Variants in PYCR3 observed in about 807,000 individuals in gnomAD.
PYCR3 encodes P5C reductase 3.
A neutral mutation model predicts 23.4 loss-of-function variants in PYCR3; 26 were observed. That is an observed-to-expected ratio of 1.11 (90% confidence interval 0.81 to 1.54). The LOEUF (loss-of-function observed/expected upper bound fraction) is 1.54. PYCR3 is among the 40% of genes most tolerant of loss of function. PYCR3 has a pLI of 0.00. For missense variants in PYCR3, 360 were observed against 376.3 expected, an observed-to-expected ratio of 0.96 and a Z score of 0.36; for synonymous variants, 194 against 162.6, an observed-to-expected ratio of 1.19 and a Z score of -1.47.
rs1444144802 is a variant in PYCR3, at chr8:143,609,488, C to A, written c.61G>T (p.Gly21Trp). ...VGFVGAGRMAGAIAQGLIRAG... is the reference protein window; with the variant it reads ...VGFVGAGRMAWAIAQGLIRAG... ...CTGATGAGGCCCTGCGCGATGGCCC[C>A]CGCCATGCGGCCCGCGCCCACGAAG... The change falls in exon 1 of 6, where the codon GGG becomes TGG. Residue 21 changes from glycine (G) to tryptophan (W), a missense_variant. Physicochemically the swap from Gly to Trp is radical, Grantham distance 184 (BLOSUM62 -2). Transcript: ENST00000495276. 6.6e-7 allele frequency: 1 copy of A among 1,513,814 alleles called. No homozygotes were observed. Among genetic ancestry groups the A allele is most frequent in the Non-Finnish European group, 8.8e-7 (1 of 1,138,808 alleles). 93.8% of individuals were successfully genotyped at this position (1,513,814 alleles called of 1,614,324 possible). A position where few individuals can be genotyped will look rare whatever the true frequency, so the allele number is the denominator to read the frequency against.
At position 143,605,699 on chromosome 8, in the gene PYCR3, C is replaced by T; in HGVS notation, c.*1G>A. ...GCAGGAAAGGATGGCCAGAGCCCAG[C>T]CTACTTTCTGCTGAGCTCCTTGGCC... is the stretch of plus-strand genomic sequence containing the variant. On this transcript the variant is annotated 3_prime_UTR_variant, in exon 6 of 6. Transcript: ENST00000495276. 1.3e-6 allele frequency: 2 copies of T among 1,590,542 alleles called. No individual in the cohort carries two copies. The highest frequency in any genetic ancestry group is 1.7e-6 in the Non-Finnish European group (2 of 1,163,522).
chr8:143,605,622 G>A lies in PYCR3; in HGVS notation c.*78C>T, dbSNP rs1045837879. On this transcript the variant is annotated 3_prime_UTR_variant, in exon 6 of 6. Coordinates refer to ENST00000495276, the MANE Select transcript of PYCR3 (RefSeq NM_023078.6). Reference sequence around the variant, plus strand: ...GTAGGAGACCCTCATGCAGGAGGGAGGGAGCCGCAGTCCTCAGGGGAAGGG... The same window carrying A: ...GTAGGAGACCCTCATGCAGGAGGGAAGGAGCCGCAGTCCTCAGGGGAAGGG... 1.5e-6 allele frequency: 2 copies of A among 1,310,296 alleles called. No individual in the cohort carries two copies. The highest frequency in any genetic ancestry group is 1.5e-5 in the African/African-American group (1 of 68,000). The allele number at this position is 1,310,296 out of a possible 1,614,324, so 81.2% of individuals were successfully genotyped here. A position where few individuals can be genotyped will look rare whatever the true frequency, so the allele number is the denominator to read the frequency against.
rs1829341614 is a variant in PYCR3, at chr8:143,604,689, G to A, written c.*1011C>T. 1 of 329,880 alleles carries A rather than the reference G, an allele frequency of 3.0e-6. No homozygotes were observed. Among genetic ancestry groups the A allele is most frequent in the East Asian group, 1.0e-4 (1 of 9,734 alleles). 20.4% of individuals were successfully genotyped at this position (329,880 alleles called of 1,614,324 possible). ...ACGGAGCTGAGGCTGTCCGGCCCGG[G>A]CCCTCCCCACCCAAAGGCCCTAGAA... On this transcript the variant is annotated 3_prime_UTR_variant, in exon 6 of 6. Transcript: ENST00000495276.
intron 1 of PYCR3, chr8:143,608,770 A>C (rs1829467075): frequency 2.2e-6 from 1 of 456,002 alleles, no homozygotes; most frequent in African/African-American, 2.0e-5. Context: ...TAACCTGTAC[A>C]GCTCTGGGAG....
Position 143,604,675 on chromosome 8 carries a change from G to T in PYCR3, c.*1025C>A. On this transcript the variant is annotated 3_prime_UTR_variant, in exon 6 of 6. Transcript: ENST00000495276. Reference sequence around the variant, plus strand: ...TTGTGGGGCAGGGGACGGAGCTGAGGCTGTCCGGCCCGGGCCCTCCCCACC... The same window carrying T: ...TTGTGGGGCAGGGGACGGAGCTGAGTCTGTCCGGCCCGGGCCCTCCCCACC... 1 of 324,836 alleles carries T rather than the reference G, an allele frequency of 3.1e-6. No individual in the cohort carries two copies. The highest frequency in any genetic ancestry group is 6.0e-6 in the Non-Finnish European group (1 of 167,646). 20.1% of individuals were successfully genotyped at this position (324,836 alleles called of 1,614,324 possible). A position where few individuals can be genotyped will look rare whatever the true frequency, so the allele number is the denominator to read the frequency against.
At chr8:143,608,769 C>T (rs1829466996) in intron 1 of PYCR3, 1 of 455,614 alleles carries the variant, frequency 2.2e-6, no homozygotes, top group Non-Finnish European at 4.4e-6. Context: ...TTAACCTGTA[C>T]AGCTCTGGGA....
chr8:143,607,681 C>T (rs1428311133), intron 2 of PYCR3, among the ~76,000 whole-genome samples: 2 of 152,228 alleles, frequency 1.3e-5, no homozygotes, highest in Non-Finnish European at 2.9e-5. Context: ...CTCATACACA[C>T]ACGCACACAC....
In PYCR3 at chr8:143,603,841, G is replaced by A. The variant is rs1829316191; in HGVS notation, c.*1859C>T. ...CACAGTGCCAGCACCCCCTTCGGCTGACACCTGTGCTTGACCAAGGTTCCA... is the reference window on the plus strand; with the variant it reads ...CACAGTGCCAGCACCCCCTTCGGCTAACACCTGTGCTTGACCAAGGTTCCA... On this transcript the variant is annotated 3_prime_UTR_variant, in exon 6 of 6. Transcript: ENST00000495276. 1.3e-5 allele frequency: 2 copies of A among 151,858 alleles called. No homozygotes were observed. The highest frequency in any genetic ancestry group is 4.1e-4 in the South Asian group (2 of 4,824). 9.4% of individuals were successfully genotyped at this position (151,858 alleles called of 1,614,324 possible).
In PYCR3 at chr8:143,605,625, A is replaced by G; in HGVS notation, c.*75T>C. ...GGAGACCCTCATGCAGGAGGGAGGGAGCCGCAGTCCTCAGGGGAAGGGACA... is the reference window on the plus strand; with the variant it reads ...GGAGACCCTCATGCAGGAGGGAGGGGGCCGCAGTCCTCAGGGGAAGGGACA... On this transcript the variant is annotated 3_prime_UTR_variant, in exon 6 of 6. Transcript: ENST00000495276. 7.5e-7 allele frequency: 1 copy of G among 1,332,230 alleles called. No homozygotes were observed. The highest frequency in any genetic ancestry group is 1.4e-5 in the South Asian group (1 of 73,920). 82.5% of individuals were successfully genotyped at this position (1,332,230 alleles called of 1,614,324 possible). A position where few individuals can be genotyped will look rare whatever the true frequency, so the allele number is the denominator to read the frequency against.
At chr8:143,608,548 C>T in intron 1 of PYCR3, 1 of 322,010 alleles carries the variant, frequency 3.1e-6, no homozygotes, top group Non-Finnish European at 6.0e-6. Context: ...GAGGGAGAGT[C>T]TATGCTGGAA....
chr8:143,606,018 G>A (rs1468882993), intron 5 of PYCR3, 44 bp downstream of exon 5: 15 of 1,582,362 alleles, frequency 9.5e-6, no homozygotes, highest in Non-Finnish European at 1.2e-5. Flanking sequence ...AAGAGGTACA[G>A]GCCTGGGCCT....
rs1346857030 is a variant in PYCR3, at chr8:143,603,766, C to T, written c.*1934G>A. On this transcript the variant is annotated 3_prime_UTR_variant, in exon 6 of 6. Coordinates refer to ENST00000495276, the MANE Select transcript of PYCR3 (RefSeq NM_023078.6). Reference sequence around the variant, plus strand: ...ACTGCAATTCCATGCCCTACAAAGCCCCCAGGTGATGTAGAGGCCTGTAGC... The same window carrying T: ...ACTGCAATTCCATGCCCTACAAAGCTCCCAGGTGATGTAGAGGCCTGTAGC... The T allele has an allele frequency of 6.6e-6, 1 of 152,246 alleles. No homozygotes were observed. The highest frequency in any genetic ancestry group is 1.5e-5 in the Non-Finnish European group (1 of 68,060). 9.4% of individuals were successfully genotyped at this position (152,246 alleles called of 1,614,324 possible). A position where few individuals can be genotyped will look rare whatever the true frequency, so the allele number is the denominator to read the frequency against.
intron 4 of PYCR3, 99 bp from the exon 5 acceptor site, chr8:143,606,253 G>C (rs767517688): frequency 3.1e-6 from 4 of 1,283,064 alleles, no homozygotes; most frequent in Non-Finnish European, 4.4e-6. Context: ...TGGGTGGCCA[G>C]AACCAAGGCC....
chr8:143,605,700 C>T lies in PYCR3; in HGVS notation c.825G>A (p.Ter275=). Reference sequence around the variant, plus strand: ...CAGGAAAGGATGGCCAGAGCCCAGCCTACTTTCTGCTGAGCTCCTTGGCCC... The same window carrying T: ...CAGGAAAGGATGGCCAGAGCCCAGCTTACTTTCTGCTGAGCTCCTTGGCCC... ...TCRAKELSRK[*] is the part of the protein sequence containing the mutation. Residue 275 remains the stop codon, a stop_retained_variant, in exon 6 of 6, where the codon TAG becomes TAA. Transcript: ENST00000495276. The T allele has an allele frequency of 6.3e-7, 1 of 1,592,576 alleles. No individual in the cohort carries two copies. Among genetic ancestry groups the T allele is most frequent in the South Asian group, 1.1e-5 (1 of 90,240 alleles).
rs1326633534 is a variant in PYCR3 at position 143,605,829 on chromosome 8, T to C, written c.696A>G (p.Ser232=). Residue 232 remains serine (S), a synonymous_variant, in exon 6 of 6, where the codon TCA becomes TCG. Transcript: ENST00000495276. ...HEGQHPAQLR[S]DVCTPGGTTI... is the part of the protein sequence containing the mutation. ...TGGTGCCACCCGGGGTGCACACGTC[T>C]GAGCGCAGCTGGGCTGGGTGTTGGC... 6.2e-7 allele frequency: 1 copy of C among 1,611,836 alleles called. No homozygotes were observed. Among genetic ancestry groups the C allele is most frequent in the South Asian group, 1.1e-5 (1 of 91,044 alleles).
chr8:143,606,845 G>T, intron 3 of PYCR3, 108 bp downstream of exon 3: 1 of 1,390,770 alleles, frequency 7.2e-7, no homozygotes, highest in Non-Finnish European at 9.8e-7. Context: ...ACTTGATCCA[G>T]GTGGGCCACA....
In PYCR3 at chr8:143,605,847, G is replaced by C; in HGVS notation, c.678C>G (p.His226Gln). 1 of 1,610,472 alleles carries C rather than the reference G, an allele frequency of 6.2e-7. No individual in the cohort carries two copies. Among genetic ancestry groups the C allele is most frequent in the Non-Finnish European group, 8.5e-7 (1 of 1,178,604 alleles). Reference sequence around the variant, plus strand: ...ACACGTCTGAGCGCAGCTGGGCTGGGTGTTGGCCCTCGTGCAGCAGCATCT... The same window carrying C: ...ACACGTCTGAGCGCAGCTGGGCTGGCTGTTGGCCCTCGTGCAGCAGCATCT... ...TAKMLLHEGQ[H>Q]PAQLRSDVCT... Residue 226 changes from histidine to glutamine, a missense_variant, in exon 6 of 6, where the codon CAC (histidine) becomes CAG (glutamine). By Grantham distance (24) the His-to-Gln change is conservative (BLOSUM62 0). Transcript: ENST00000495276.
chr8:143,605,921 G>A, intron 5 of PYCR3, 39 bp from the exon 6 acceptor site: 1 of 1,581,974 alleles, frequency 6.3e-7, no homozygotes, highest in Non-Finnish European at 8.6e-7. Context: ...GGGGGAGGTG[G>A]TGCGGTCCCC....
intron 4 of PYCR3, 24 bp downstream of exon 4, chr8:143,606,443 G>T: frequency 6.2e-7 from 1 of 1,608,948 alleles, no homozygotes; most frequent in Non-Finnish European, 8.5e-7. Context: ...GGGTGGGGCC[G>T]GGGATGGACG....
Sources: gnomAD v4.1 joint callset for allele counts (sites outside exome capture counted in the v4.1 genomes callset) on GRCh38, gnomAD v4.1.1 for gene constraint, MANE v1.5 for transcripts, NCBI Gene and HGNC (gene_info 2026-07-23, HGNC 2026-07-21) for gene names.